RAVER2: variants seen among roughly 807,000 people sequenced by gnomAD.
RAVER2 encodes ribonucleoprotein PTB-binding 2.
A neutral mutation model predicts 78.1 loss-of-function variants in RAVER2; 46 were observed. The ratio of observed to expected loss-of-function variants is 0.59; its 90% confidence interval spans 0.46 to 0.75. The LOEUF is 0.75. RAVER2 is among the 30% of genes least tolerant of loss of function. RAVER2 has a pLI of 0.00. For synonymous variants in RAVER2, 311 were observed against 313.3 expected (o/e 0.99, Z 0.08); for missense variants, 793 against 837.5 (o/e 0.95, Z 0.66).
At chr1:64,814,965 G>T in intron 11 of RAVER2, 125 bp downstream of exon 11, 1 of 819,108 alleles carries the variant, frequency 1.2e-6, no homozygotes. Context: ...ACTGATCTAT[G>T]TATTTCTTAC....
intron 1 of RAVER2, among the ~76,000 whole-genome samples, chr1:64,749,439 G>C (rs1022979851): frequency 1.3e-5 from 2 of 152,126 alleles, no homozygotes; most frequent in African/African-American, 4.8e-5. Flanking sequence ...TCGAATGCCT[G>C]ACCTCAGGTG....
intron 11 of RAVER2, among the ~76,000 whole-genome samples, chr1:64,826,392 C>G (rs1654004134): frequency 6.6e-6 from 1 of 152,150 alleles, no homozygotes; most frequent in African/African-American, 2.4e-5. Context: ...AAGACCAGAA[C>G]TTTAGGGAGT....
chr1:64,745,939 A>G lies in RAVER2; in HGVS notation c.249+518A>G, dbSNP rs531957757. Among the ~76,000 whole-genome samples the G allele has an allele frequency of 6.6e-6, 1 of 152,174 alleles. No individual in the cohort carries two copies. The highest frequency in any genetic ancestry group is 1.5e-5 in the Non-Finnish European group (1 of 68,032). ...TGCAGAAGCACTTGCCCAAGTTTCT[A>G]TGAAACAACTCTGTCTTCTCAGTTT... On this transcript the variant is annotated intron_variant, in intron 1 of 11. Transcript: ENST00000294428. The surrounding 1 kb of genome is among the most constrained non-coding windows in gnomAD (Gnocchi z 4.3).
intron 2 of RAVER2, among the ~76,000 whole-genome samples, chr1:64,774,433 A>C (rs1652407362): frequency 6.6e-6 from 1 of 152,198 alleles, no homozygotes; most frequent in African/African-American, 2.4e-5. Context: ...TTAAATAGGG[A>C]ATCCTTTCCC....
intron 3 of RAVER2, among the ~76,000 whole-genome samples, chr1:64,778,979 A>T (rs952982156): frequency 5.6e-4 from 82 of 147,678 alleles, no homozygotes; most frequent in African/African-American, 2.0e-3. Context: ...ATATTATTTA[A>T]TATTAAATAT....
intron 1 of RAVER2, among the ~76,000 whole-genome samples, chr1:64,765,702 G>A (rs563674023): frequency 2.3e-4 from 35 of 151,988 alleles, no homozygotes; most frequent in Non-Finnish European, 4.0e-4. Context: ...TGAGTTTCTG[G>A]GTATTTATTT....
chr1:64,767,344 A>G (rs1024694839), intron 1 of RAVER2, among the ~76,000 whole-genome samples: 1 of 152,046 alleles, frequency 6.6e-6, no homozygotes, highest in Non-Finnish European at 1.5e-5. Flanking sequence ...TCAATATGGC[A>G]TAGAGGTTGA....
chr1:64,815,872 T>C (rs2100891238), intron 11 of RAVER2: 1 of 152,332 alleles, frequency 6.6e-6, no homozygotes, highest in East Asian at 1.9e-4. Context: ...GGTGACAGTA[T>C]ATCTATATTT....
intron 5 of RAVER2, among the ~76,000 whole-genome samples, chr1:64,795,263 ATTC>A (rs1482561639): frequency 1.3e-5 from 2 of 152,110 alleles, no homozygotes; most frequent in African/African-American, 4.8e-5. Context: ...CTTCAACTTT[ATTC>A]TTCTTTTTCA....
chr1:64,797,481 A>C (rs1474108679), intron 5 of RAVER2, among the ~76,000 whole-genome samples: 1 of 152,240 alleles, frequency 6.6e-6, no homozygotes, highest in Non-Finnish European at 1.5e-5. Context: ...TTTATAATAA[A>C]ATACAGTGAT....
At chr1:64,812,896 T>C in intron 10 of RAVER2, 47 bp downstream of exon 10, 1 of 1,361,662 alleles carries the variant, frequency 7.3e-7, no homozygotes, top group Non-Finnish European at 1.0e-6. Flanking sequence ...ACTGAATACT[T>C]TTCATAATAA....
At chr1:64,820,317 C>T (rs866957291) in intron 11 of RAVER2, among the ~76,000 whole-genome samples, 5 of 151,806 alleles carry the variant, frequency 3.3e-5, no homozygotes, top group Admixed American at 1.3e-4. Context: ...AACAAATATC[C>T]GAATGGTAAA....
chr1:64,804,802 A>T (rs371283611), exon 7 of RAVER2: 1 of 1,558,968 alleles, frequency 6.4e-7, no homozygotes. Context: ...TGGCACAACA[A>T]CAATTAATGA....
chr1:64,763,253 T>C (rs553138787), intron 1 of RAVER2, among the ~76,000 whole-genome samples: 4 of 151,216 alleles, frequency 2.6e-5, no homozygotes, highest in Non-Finnish European at 5.9e-5. Context: ...GCCGAGATCA[T>C]GCCACTGCAC....
intron 2 of RAVER2, among the ~76,000 whole-genome samples, chr1:64,771,948 G>C (rs2100827017): frequency 6.6e-6 from 1 of 152,198 alleles, no homozygotes; most frequent in South Asian, 2.1e-4. Context: ...AATTATTATA[G>C]TAAAATAGGA....
At chr1:64,753,418 T>TCA (rs1285153183) in intron 1 of RAVER2, among the ~76,000 whole-genome samples, 1 of 152,160 alleles carries the variant, frequency 6.6e-6, no homozygotes, top group Non-Finnish European at 1.5e-5. Flanking sequence ...TATTCCATCT[T>TCA]CAGACAGCTT....
chr1:64,795,160 ATGTC>A (rs1428427750), intron 5 of RAVER2, among the ~76,000 whole-genome samples: 4 of 152,276 alleles, frequency 2.6e-5, no homozygotes, highest in African/African-American at 9.6e-5. Context: ...ATTGACCTAA[ATGTC>A]TGTCTTTTAC....
At chr1:64,790,002 A>G (rs186067435) in intron 5 of RAVER2, among the ~76,000 whole-genome samples, 2 of 152,182 alleles carry the variant, frequency 1.3e-5, no homozygotes, top group African/African-American at 4.8e-5. Context: ...GTGTTATGCA[A>G]ATCTTTATAA....
intron 11 of RAVER2, among the ~76,000 whole-genome samples, chr1:64,826,431 A>T (rs1278823105): frequency 1.3e-5 from 2 of 152,200 alleles, no homozygotes; most frequent in Non-Finnish European, 2.9e-5. Context: ...TGTAAAGTAC[A>T]TTCCAGGGAC....
Sources: gnomAD v4.1 joint callset for allele counts (sites outside exome capture counted in the v4.1 genomes callset) on GRCh38, gnomAD v4.1.1 for gene constraint, Gnocchi (gnomAD v3.1) non-coding constraint, MANE v1.5 for transcripts, NCBI Gene and HGNC (gene_info 2026-07-23, HGNC 2026-07-21) for gene names.